The following LRRC4C variants were observed in gnomAD, a reference collection of about 807,000 sequenced individuals.
LRRC4C encodes the protein leucine rich repeat containing 4C, also known as leucine-rich repeat-containing protein 4C.
A neutral mutation model predicts 33.6 loss-of-function variants in LRRC4C; 5 were observed. The observed-to-expected ratio is 0.15, with a 90% confidence interval of 0.08 to 0.31. The LOEUF is 0.31. Among genes scored for constraint, LRRC4C ranks in the 10% least tolerant of loss-of-function variants. The pLI is 1.00. For missense variants in LRRC4C, 560 were observed against 796.7 expected, an observed-to-expected ratio of 0.70 and a Z score of 3.58; for synonymous variants, 329 against 302.0, an observed-to-expected ratio of 1.09 and a Z score of -0.93.
At chr11:41,302,845 A>G (rs10768681) in intron 1 of LRRC4C, among the ~76,000 whole-genome samples, 26,397 of 151,958 alleles carry the variant, frequency 0.17, 2,878 homozygotes, top group East Asian at 0.43. Flanking sequence ...ATTGCCCACT[A>G]TACTCCCAAA....
At chr11:40,730,933 C>G (rs868608753) in intron 2 of LRRC4C, among the ~76,000 whole-genome samples, 1 of 152,138 alleles carries the variant, frequency 6.6e-6, no homozygotes. Context: ...GCTGTAGGGC[C>G]TGGTGGGAGG....
At chr11:40,750,580 C>T (rs1415680712) in intron 2 of LRRC4C, among the ~76,000 whole-genome samples, 1 of 143,914 alleles carries the variant, frequency 6.9e-6, no homozygotes, top group Non-Finnish European at 1.5e-5. Flanking sequence ...CGCATGTTCT[C>T]ACTCATAGGT....
chr11:41,012,265 C>A (rs960372990), intron 1 of LRRC4C, among the ~76,000 whole-genome samples: 2 of 152,062 alleles, frequency 1.3e-5, no homozygotes, highest in Non-Finnish European at 2.9e-5. Flanking sequence ...CCTCTGTTAA[C>A]CACCAGTTTA....
At chr11:40,439,368 G>A (rs1017158647) in intron 3 of LRRC4C, among the ~76,000 whole-genome samples, 3 of 151,976 alleles carry the variant, frequency 2.0e-5, no homozygotes, top group African/African-American at 7.2e-5. Context: ...TATTTATAAA[G>A]TGAGAGAATT....
At chr11:40,977,523 G>A (rs549981895) in intron 1 of LRRC4C, among the ~76,000 whole-genome samples, 69 of 152,078 alleles carry the variant, frequency 4.5e-4, no homozygotes, top group African/African-American at 1.6e-3. Flanking sequence ...TTAAGACTCT[G>A]TGTCTTCCAA....
At chr11:40,776,900 A>G (rs1004393272) in intron 2 of LRRC4C, among the ~76,000 whole-genome samples, 2 of 152,034 alleles carry the variant, frequency 1.3e-5, no homozygotes, top group African/African-American at 2.4e-5. Flanking sequence ...ACTTTTTTGC[A>G]TCCCAAATAT....
intron 2 of LRRC4C, among the ~76,000 whole-genome samples, chr11:40,874,797 A>G (rs913325316): frequency 1.3e-5 from 2 of 152,220 alleles, no homozygotes; most frequent in Admixed American, 1.3e-4. Context: ...GCAACATAGT[A>G]TAGTACCACG....
intron 3 of LRRC4C, among the ~76,000 whole-genome samples, chr11:40,602,300 G>C (rs1960099999): frequency 1.3e-5 from 2 of 151,868 alleles, no homozygotes; most frequent in South Asian, 4.1e-4. Context: ...TATTTTAACA[G>C]GTACAAATAT....
At chr11:40,723,061 T>C (rs4132507) in intron 2 of LRRC4C, among the ~76,000 whole-genome samples, 16,506 of 151,770 alleles carry the variant, frequency 0.11, 1,459 homozygotes, top group East Asian at 0.43. Context: ...AAAGAAAAAA[T>C]AAATTTTTAA....
At chr11:40,914,701 A>T (rs865907509) in intron 2 of LRRC4C, among the ~76,000 whole-genome samples, 4 of 152,196 alleles carry the variant, frequency 2.6e-5, no homozygotes, top group Non-Finnish European at 5.9e-5. Flanking sequence ...TGGCCAGGAC[A>T]ATCAGTCAGG....
At chr11:41,053,798 T>C (rs942690693) in intron 1 of LRRC4C, among the ~76,000 whole-genome samples, 2 of 152,224 alleles carry the variant, frequency 1.3e-5, no homozygotes, top group Non-Finnish European at 2.9e-5. Flanking sequence ...TTTCTTTTTA[T>C]GTTTTTCCAT....
chr11:40,248,295 C>T (rs1866502994), intron 4 of LRRC4C, among the ~76,000 whole-genome samples: 1 of 152,174 alleles, frequency 6.6e-6, no homozygotes, highest in African/African-American at 2.4e-5. Flanking sequence ...GTACTTATAA[C>T]AGTGCATTAC....
chr11:41,015,936 G>A (rs1173782331), intron 1 of LRRC4C, among the ~76,000 whole-genome samples: 5 of 152,088 alleles, frequency 3.3e-5, no homozygotes, highest in African/African-American at 4.8e-5. Flanking sequence ...CTTGCAGTGA[G>A]CCGAGATCGC....
intron 3 of LRRC4C, among the ~76,000 whole-genome samples, chr11:40,514,070 C>T (rs1955455050): frequency 6.6e-6 from 1 of 152,122 alleles, no homozygotes. Flanking sequence ...TTTCTTGAAA[C>T]TCAGGCCCTA....
chr11:40,833,677 C>A (rs1952522776), intron 2 of LRRC4C, among the ~76,000 whole-genome samples: 1 of 151,714 alleles, frequency 6.6e-6, no homozygotes, highest in South Asian at 2.1e-4. Context: ...ATTTTTCTAT[C>A]AAAAAATAGG....
chr11:40,994,213 C>A (rs2137289371), intron 1 of LRRC4C, among the ~76,000 whole-genome samples: 1 of 152,210 alleles, frequency 6.6e-6, no homozygotes. Flanking sequence ...TCATAAAATT[C>A]ATGAGTGCGC....
chr11:41,052,618 A>G (rs1038637503), intron 1 of LRRC4C, among the ~76,000 whole-genome samples: 1 of 152,092 alleles, frequency 6.6e-6, no homozygotes, highest in South Asian at 2.1e-4. Context: ...TATAGAAAAA[A>G]ATCTCATGTC....
intron 2 of LRRC4C, among the ~76,000 whole-genome samples, chr11:40,822,864 G>T (rs1358904527): frequency 6.6e-6 from 1 of 151,530 alleles, no homozygotes; most frequent in Non-Finnish European, 1.5e-5. Context: ...GAGAGATAGG[G>T]GTTTAGTTTA....
intron 3 of LRRC4C, among the ~76,000 whole-genome samples, chr11:40,423,150 AAATGCTAAAAGTCACATTT>A (rs1950581725): frequency 6.6e-6 from 1 of 152,078 alleles, no homozygotes; most frequent in Admixed American, 6.6e-5. Context: ...GAGTGTCACC[AAATGCTAAAAGTCACATTT>A]AACTTATTGT....
Sources: allele counts gnomAD v4.1 joint callset (sites outside exome capture counted in the v4.1 genomes callset), GRCh38; gene constraint gnomAD v4.1.1; transcripts MANE v1.5; gene names NCBI Gene and HGNC (gene_info 2026-07-23, HGNC 2026-07-21).